Variants in PCLO observed in about 807,000 individuals in gnomAD.
PCLO encodes the protein piccolo presynaptic cytomatrix protein, also known as protein piccolo.
A neutral mutation model predicts 427.5 loss-of-function variants in PCLO; 82 were observed. That is an observed-to-expected ratio of 0.19 (90% CI 0.16 to 0.23). PCLO has a LOEUF of 0.23. Ranked by LOEUF, PCLO falls within the 10% of genes least tolerant of loss-of-function variation. The pLI, the probability that PCLO is intolerant of heterozygous loss-of-function variation, is 1.00. For synonymous variants in PCLO, 2,357 were observed against 2,155.4 expected, an observed-to-expected ratio of 1.09 and a Z score of -2.59; for missense variants, 6,239 against 6,115.9, an observed-to-expected ratio of 1.02 and a Z score of -0.67.
At chr7:83,049,659 T>G (rs117065329) in intron 3 of PCLO, among the ~76,000 whole-genome samples, 6 of 152,196 alleles carry the variant, frequency 3.9e-5, no homozygotes, top group Non-Finnish European at 7.4e-5. Context: ...AACACAACAT[T>G]AGTACTTCTA....
rs1420714369 is a variant in PCLO at position 83,134,348 on chromosome 7, T to C, written c.3202A>G (p.Ile1068Val). ...TCPLCKTELNIGSKDPPNFNT... is the reference protein window; with the variant it reads ...TCPLCKTELNVGSKDPPNFNT... ...AAGTTAGGAGGATCCTTAGAACCTA[T>C]GTTGAGTTCAGTTTTGCAGAGAGGA... Residue 1068 changes from isoleucine to valine, a missense_variant, in exon 3 of 25, where the codon ATA becomes GTA. By Grantham distance (29) the Ile-to-Val change is conservative (BLOSUM62 3). Around this residue, in one of 5 missense-constraint regions of PCLO, gnomAD observed 4,677 missense variants for 4,468.4 expected, o/e 1.05. Transcript: ENST00000333891. 1 of 1,612,680 alleles carries C rather than the reference T, an allele frequency of 6.2e-7. No individual in the cohort carries two copies. Among genetic ancestry groups the C allele is most frequent in the Non-Finnish European group, 8.5e-7 (1 of 1,179,346 alleles).
At chr7:82,905,310 G>A (rs1794160495) in intron 8 of PCLO, among the ~76,000 whole-genome samples, 1 of 151,946 alleles carries the variant, frequency 6.6e-6, no homozygotes, top group Non-Finnish European at 1.5e-5. Context: ...AACAAAAAGG[G>A]AAGGAATTGA....
At chr7:83,020,078 G>A (rs566465262) in intron 3 of PCLO, among the ~76,000 whole-genome samples, 75 of 152,070 alleles carry the variant, frequency 4.9e-4, no homozygotes, top group African/African-American at 1.0e-3. Flanking sequence ...TTAGACCACC[G>A]ACTTAACTTA....
rs868302087 is a variant in PCLO, at chr7:83,038,079, A to T, written c.3301-71592T>A. On this transcript the variant is annotated intron_variant, in intron 3 of 24. Transcript: ENST00000333891. ...TATATATATATTTATATATTTATAT[A>T]TATATCTTTATATATATATATTTAT... Among the ~76,000 whole-genome samples the T allele has an allele frequency of 6.0e-3, 467 of 77,684 alleles. 19 individuals are homozygous for T. Among genetic ancestry groups the T allele is most frequent in the Non-Finnish European group, 9.6e-3 (390 of 40,778 alleles). The allele number at this position is 77,684 out of a possible 152,430, so 51.0% of individuals were successfully genotyped here. A position where few individuals can be genotyped will look rare whatever the true frequency, so the allele number is the denominator to read the frequency against.
At chr7:82,984,587 C>T (rs1225056567) in intron 3 of PCLO, among the ~76,000 whole-genome samples, 1 of 151,960 alleles carries the variant, frequency 6.6e-6, no homozygotes, top group Non-Finnish European at 1.5e-5. Context: ...GTGCATCATT[C>T]ACCACGTGAC....
Position 82,952,979 on chromosome 7 carries a change from T to C in PCLO, c.7974A>G (p.Ser2658=). Residue 2658 remains serine (S), a synonymous_variant, in exon 5 of 25, where the codon TCA becomes TCG. Transcript: ENST00000333891. ...FSATPVTAPS[S]FQAAPTSVTQ... ...TAACTGATGTGGGAGCTGCTTGAAA[T>C]GAAGAGGGTGCTGTGACAGGGGTAG... 1 of 1,613,806 alleles carries C rather than the reference T, an allele frequency of 6.2e-7. No individual in the cohort carries two copies. The highest frequency in any genetic ancestry group is 8.5e-7 in the Non-Finnish European group (1 of 1,179,820).
At chr7:82,815,425 T>C (rs1022623196) in intron 20 of PCLO, among the ~76,000 whole-genome samples, 9 of 152,034 alleles carry the variant, frequency 5.9e-5, no homozygotes, top group African/African-American at 1.9e-4. Context: ...AACTACATAA[T>C]AGACCTATAT....
intron 20 of PCLO, among the ~76,000 whole-genome samples, chr7:82,816,374 C>T (rs1326472463): frequency 6.6e-6 from 1 of 150,834 alleles, no homozygotes; most frequent in Non-Finnish European, 1.5e-5. Context: ...GAGAAAGTTG[C>T]CTGCCCCATG....
At chr7:82,836,459 T>A (rs1792235839) in intron 15 of PCLO, among the ~76,000 whole-genome samples, 1 of 152,110 alleles carries the variant, frequency 6.6e-6, no homozygotes. Context: ...TATATAGATA[T>A]AAATGAATTA....
chr7:82,943,343 C>G (rs2116390937), intron 6 of PCLO, among the ~76,000 whole-genome samples: 1 of 152,216 alleles, frequency 6.6e-6, no homozygotes, highest in Admixed American at 6.5e-5. Context: ...AGCCTATGTA[C>G]TTTTAAGGCC....
intron 6 of PCLO, among the ~76,000 whole-genome samples, chr7:82,922,215 G>A (rs1031686426): frequency 6.6e-6 from 1 of 151,882 alleles, no homozygotes; most frequent in African/African-American, 2.4e-5. Context: ...CCTACCATTT[G>A]ACCCAGCAAA....
chr7:82,827,939 A>G lies in PCLO; in HGVS notation c.14277T>C (p.His4759=). The G allele has an allele frequency of 6.2e-7, 1 of 1,602,106 alleles. No homozygotes were observed. The highest frequency in any genetic ancestry group is 2.2e-5 in the East Asian group (1 of 44,610). ...ASAEYKRRTK[H]VQKSLNPEWN... ...ACTCAGGATTAAGACTTTTCTGGAC[A>G]TGTTTAGTCCTTCTCTTGTACTCAG... The change falls in exon 17 of 25, where the codon CAT becomes CAC. Residue 4759 remains histidine, a synonymous_variant. Transcript: ENST00000333891.
Position 82,952,699 on chromosome 7 carries a change from T to C in PCLO, c.8254A>G (p.Met2752Val), listed in dbSNP as rs777422225. The change falls in exon 5 of 25, where the codon ATG becomes GTG. Residue 2752 changes from methionine to valine, a missense_variant. Met to Val is a conservative substitution (Grantham distance 21). Around this residue, in one of 5 missense-constraint regions of PCLO, gnomAD observed 4,677 missense variants for 4,468.4 expected, o/e 1.05. Transcript: ENST00000333891. ...GCTGTGATCTGCCTTTTCACATCCA[T>C]TGTAGAAGCAGAAAGATCAATACAT... ...DKCIDLSAST[M>V]DVKRQITANE... 1.9e-5 allele frequency: 31 copies of C among 1,613,810 alleles called. No homozygotes were observed. Among genetic ancestry groups the C allele is most frequent in the Non-Finnish European group, 2.3e-5 (27 of 1,179,852 alleles).
chr7:82,756,933 G>A lies in PCLO; in HGVS notation c.*1642C>T, dbSNP rs970029668. 6.6e-6 allele frequency: 1 copy of A among 151,866 alleles called. No individual in the cohort carries two copies. The highest frequency in any genetic ancestry group is 2.4e-5 in the African/African-American group (1 of 41,354). 9.4% of individuals were successfully genotyped at this position (151,866 alleles called of 1,614,324 possible). On this transcript the variant is annotated 3_prime_UTR_variant, in exon 25 of 25. Transcript: ENST00000333891. Reference sequence around the variant, plus strand: ...TTTATCCATGTCAATCCTTGCCATTGGTTTAGATGATGTTTTTCACATATA... The same window carrying A: ...TTTATCCATGTCAATCCTTGCCATTAGTTTAGATGATGTTTTTCACATATA...
In PCLO at chr7:82,889,920, T is replaced by TA. The variant is rs200895787; in HGVS notation, c.13529-10459dup. On this transcript the variant is annotated intron_variant, in intron 9 of 24. Coordinates refer to ENST00000333891, the MANE Select transcript of PCLO (RefSeq NM_033026.6). ...CTTTTAGTGTGTGTGCACATGTGTGTAAAAAACGCAAGAAGTAAAGGAAAA... is the reference window on the plus strand; with the variant it reads ...CTTTTAGTGTGTGTGCACATGTGTGTAAAAAAACGCAAGAAGTAAAGGAAAA... Among the ~76,000 whole-genome samples, 783 of 152,108 alleles carry TA rather than the reference T, an allele frequency of 5.1e-3. 7 individuals are homozygous for TA. The highest frequency in any genetic ancestry group is 0.018 in the African/African-American group (747 of 41,540).
intron 3 of PCLO, among the ~76,000 whole-genome samples, chr7:82,977,485 C>G (rs988349167): frequency 2.6e-5 from 4 of 151,316 alleles, no homozygotes; most frequent in African/African-American, 9.7e-5. Context: ...GTGACCTTGG[C>G]TCACACAACC....
At chr7:83,081,079 C>T (rs1475997212) in intron 3 of PCLO, among the ~76,000 whole-genome samples, 1 of 151,824 alleles carries the variant, frequency 6.6e-6, no homozygotes, top group Non-Finnish European at 1.5e-5. Context: ...AAGGGGTGGA[C>T]TACTGTATTA....
At chr7:82,918,485 T>C (rs1217067383) in intron 6 of PCLO, among the ~76,000 whole-genome samples, 1 of 152,032 alleles carries the variant, frequency 6.6e-6, no homozygotes, top group African/African-American at 2.4e-5. Context: ...ATGTAACATG[T>C]TGAATATCAA....
chr7:83,138,975 T>TA (rs1473932807), intron 2 of PCLO, among the ~76,000 whole-genome samples: 1 of 151,614 alleles, frequency 6.6e-6, no homozygotes, highest in East Asian at 1.9e-4. Context: ...TAAAGTATAA[T>TA]AAAAAAAGAC....
Sources: allele counts gnomAD v4.1 joint callset (sites outside exome capture counted in the v4.1 genomes callset), GRCh38; gene constraint gnomAD v4.1.1; regional missense constraint gnomAD v4.1.1; transcripts MANE v1.5; gene names NCBI Gene and HGNC (gene_info 2026-07-23, HGNC 2026-07-21).